BLNK: variants seen among roughly 807,000 people sequenced by gnomAD.
The protein encoded by BLNK is B cell linker, also known as B-cell linker protein.
BLNK carries 29 observed loss-of-function variants against 73.5 expected under a neutral mutation model. The observed-to-expected ratio is 0.39, with a 90% CI of 0.29 to 0.54. The LOEUF (loss-of-function observed/expected upper bound fraction) is 0.54, where lower values mean the gene tolerates loss of function less well. Among genes scored for constraint, BLNK ranks in the 20% least tolerant of loss-of-function variants. The probability of loss-of-function intolerance (pLI) is 0.61; values close to 1 mark genes in which losing one functional copy is unlikely to be tolerated. For missense variants in BLNK, 460 were observed against 562.8 expected (o/e 0.82, Z 1.85); for synonymous variants, 176 against 200.8 (o/e 0.88, Z 1.04).
chr10:96,262,932 T>A (rs1843822645), intron 1 of BLNK, among the ~76,000 whole-genome samples: 1 of 152,180 alleles, frequency 6.6e-6, no homozygotes, highest in Non-Finnish European at 1.5e-5. Context: ...GGAGGGGTCG[T>A]CTAGAGCTTG....
At chr10:96,264,883 C>T (rs1843922772) in intron 1 of BLNK, among the ~76,000 whole-genome samples, 1 of 152,162 alleles carries the variant, frequency 6.6e-6, no homozygotes, top group Admixed American at 6.6e-5. Flanking sequence ...GCTGCTTTGT[C>T]TTTTATCCAA....
chr10:96,239,264 G>A (rs587708200), intron 3 of BLNK: 64 of 398,068 alleles, frequency 1.6e-4, no homozygotes, highest in African/African-American at 1.0e-3. Flanking sequence ...TTATCACTGG[G>A]CCCTGAGCCC....
chr10:96,233,857 G>A (rs1230303705), intron 3 of BLNK, among the ~76,000 whole-genome samples: 1 of 152,218 alleles, frequency 6.6e-6, no homozygotes, highest in African/African-American at 2.4e-5. Context: ...TGTAATTAAT[G>A]TATTAATAAA....
At chr10:96,247,365 A>T (rs1262335142) in intron 1 of BLNK, among the ~76,000 whole-genome samples, 6 of 152,214 alleles carry the variant, frequency 3.9e-5, no homozygotes, top group African/African-American at 1.4e-4. Context: ...ACGAAGATAG[A>T]TGCTACTCTG....
At chr10:96,228,093 TTC>T (rs1334489803) in intron 4 of BLNK, among the ~76,000 whole-genome samples, 633 of 12,750 alleles carry the variant, frequency 0.05, 9 homozygotes, top group African/African-American at 0.055. Context: ...TCTCTTTTTT[TTC>T]TTTTTTTTTT....
intron 1 of BLNK, among the ~76,000 whole-genome samples, chr10:96,258,795 C>T (rs1554911886): frequency 6.6e-6 from 1 of 152,202 alleles, no homozygotes; most frequent in East Asian, 1.9e-4. Flanking sequence ...ACTTTGTGTG[C>T]ATTATCTCAT....
intron 2 of BLNK, among the ~76,000 whole-genome samples, 172 bp from the exon 3 acceptor site, chr10:96,242,956 C>G (rs1190097701): frequency 2.0e-5 from 3 of 152,138 alleles, no homozygotes; most frequent in Non-Finnish European, 2.9e-5. Flanking sequence ...AGCCATTAGT[C>G]AGGGGTTTTC....
intron 6 of BLNK, among the ~76,000 whole-genome samples, chr10:96,218,331 C>A (rs1310769804): frequency 1.3e-5 from 2 of 152,158 alleles, no homozygotes; most frequent in African/African-American, 4.8e-5. Flanking sequence ...CCATTGGCTC[C>A]ATTTCCAGAT....
intron 1 of BLNK, among the ~76,000 whole-genome samples, chr10:96,250,442 G>GGA (rs1843236631): frequency 4.4e-5 from 5 of 113,100 alleles, no homozygotes; most frequent in Non-Finnish European, 1.0e-4. Context: ...GAGAGGAAGA[G>GGA]AGAAAGAGAG....
chr10:96,258,813 C>T (rs1843626084), intron 1 of BLNK, among the ~76,000 whole-genome samples: 1 of 152,208 alleles, frequency 6.6e-6, no homozygotes, highest in African/African-American at 2.4e-5. Context: ...CATTAACCCT[C>T]ACAACTACCC....
At chr10:96,248,279 A>G (rs1472640701) in intron 1 of BLNK, among the ~76,000 whole-genome samples, 2 of 152,264 alleles carry the variant, frequency 1.3e-5, no homozygotes, top group Non-Finnish European at 2.9e-5. Context: ...CGATTTACAA[A>G]GAAATCTTAC....
intron 8 of BLNK, among the ~76,000 whole-genome samples, chr10:96,213,721 T>C (rs1591314418): frequency 6.6e-6 from 1 of 152,240 alleles, no homozygotes; most frequent in Non-Finnish European, 1.5e-5. Flanking sequence ...AAAGGAGGGT[T>C]GAGGTCTTCA....
At chr10:96,215,263 T>C (rs1445278146) in intron 8 of BLNK, 58 bp downstream of exon 8, 5 of 1,506,998 alleles carry the variant, frequency 3.3e-6, no homozygotes, top group African/African-American at 1.4e-5. Flanking sequence ...TCATAGTTGA[T>C]CTGTTTTTCT....
At position 96,251,392 on chromosome 10, in the gene BLNK, C is replaced by A. The variant is rs144091536; in HGVS notation, c.48-4343G>T. Among the ~76,000 whole-genome samples, 356 of 152,340 alleles carry A rather than the reference C, an allele frequency of 2.3e-3. 1 individual carries two copies. Among genetic ancestry groups the A allele is most frequent in the Middle Eastern group, 0.01 (3 of 294 alleles). Reference sequence around the variant, plus strand: ...CATGCCATAGCAAAAGAATGCACAACTGGTCTGTTCCAGGAGGGGTTGTTC... The same window carrying A: ...CATGCCATAGCAAAAGAATGCACAAATGGTCTGTTCCAGGAGGGGTTGTTC... On this transcript the variant is annotated intron_variant, in intron 1 of 16. Transcript: ENST00000224337.
At chr10:96,192,924 C>T (rs587602297) in intron 16 of BLNK, among the ~76,000 whole-genome samples, 3 of 152,270 alleles carry the variant, frequency 2.0e-5, no homozygotes, top group Admixed American at 2.0e-4. Flanking sequence ...TTAGCAGTTA[C>T]TATCAATTGA....
rs2083859348 is a variant in BLNK, at chr10:96,207,906, A to G, written c.747-7T>C. On this transcript the variant is annotated splice_region_variant and splice_polypyrimidine_tract_variant and intron_variant, in intron 9 of 16. Coordinates refer to ENST00000224337, the MANE Select transcript of BLNK (RefSeq NM_013314.4). ...TGGTGTCGTTGGTTTTTTCCTGGGG[A>G]ATAAAAAGAGATGAGCTTTGTTAAA... The G allele has an allele frequency of 6.2e-7, 1 of 1,613,696 alleles. No homozygotes were observed. The highest frequency in any genetic ancestry group is 1.3e-5 in the African/African-American group (1 of 74,914).
chr10:96,192,792 T>C (rs1554893829), intron 16 of BLNK, among the ~76,000 whole-genome samples: 1 of 152,168 alleles, frequency 6.6e-6, no homozygotes, highest in African/African-American at 2.4e-5. Flanking sequence ...TAAAAACAAA[T>C]GTAACACAGA....
intron 3 of BLNK, among the ~76,000 whole-genome samples, chr10:96,238,722 G>T (rs1554905569): frequency 6.6e-6 from 1 of 152,168 alleles, no homozygotes; most frequent in African/African-American, 2.4e-5. Context: ...CCATTTCCGG[G>T]GATTGAGTGT....
intron 2 of BLNK, among the ~76,000 whole-genome samples, chr10:96,244,714 A>G (rs1323836602): frequency 6.6e-6 from 1 of 152,210 alleles, no homozygotes; most frequent in East Asian, 1.9e-4. Context: ...TTCCAGGCTG[A>G]GAAGAAACAT....
Sources: gnomAD v4.1 joint callset for allele counts (sites outside exome capture counted in the v4.1 genomes callset) on GRCh38, gnomAD v4.1.1 for gene constraint, MANE v1.5 for transcripts, NCBI Gene and HGNC (gene_info 2026-07-23, HGNC 2026-07-21) for gene names.